Variants in GTF2IRD1 observed in about 807,000 individuals in gnomAD.
GTF2IRD1 encodes GTF2I repeat domain containing 1, also known as general transcription factor II-I repeat domain-containing protein 1.
In GTF2IRD1, 26 loss-of-function variants were observed where a neutral mutation model predicts 113.2. The observed-to-expected ratio is 0.23, with a 90% CI of 0.17 to 0.32. GTF2IRD1 has a LOEUF of 0.32. GTF2IRD1 is among the 10% of genes least tolerant of loss of function. GTF2IRD1 has a pLI of 1.00. For missense variants in GTF2IRD1, 864 were observed against 1,280.8 expected, an observed-to-expected ratio of 0.67 and a Z score of 4.97; for synonymous variants, 484 against 529.1, an observed-to-expected ratio of 0.91 and a Z score of 1.17.
Position 74,518,253 on chromosome 7 carries a change from C to T in GTF2IRD1, c.536C>T (p.Ala179Val). ...GAAGGCCTGGCCTTCCGAAGGCCAGCCGAGTATGACCCCAAGGCCCTCATG... is the reference window on the plus strand; with the variant it reads ...GAAGGCCTGGCCTTCCGAAGGCCAGTCGAGTATGACCCCAAGGCCCTCATG... ...LPEGLAFRRP[A>V]EYDPKALMAI... The change falls in exon 5 of 27, where the codon GCC (alanine) becomes GTC (valine). Residue 179 changes from alanine to valine, a missense_variant. Coordinates refer to ENST00000424337, the MANE Select transcript of GTF2IRD1 (RefSeq NM_005685.4). The T allele has an allele frequency of 6.2e-7, 1 of 1,611,902 alleles. No homozygotes were observed. Among genetic ancestry groups the T allele is most frequent in the Non-Finnish European group, 8.5e-7 (1 of 1,179,198 alleles).
intron 1 of GTF2IRD1, among the ~76,000 whole-genome samples, chr7:74,459,753 A>G (rs1243976928): frequency 1.3e-5 from 2 of 152,162 alleles, no homozygotes; most frequent in African/African-American, 4.8e-5. Context: ...GCTAAAAGTT[A>G]CCTGTTGTTG....
chr7:74,479,892 C>T (rs182881675), intron 1 of GTF2IRD1, among the ~76,000 whole-genome samples: 4 of 151,080 alleles, frequency 2.6e-5, no homozygotes, highest in Admixed American at 1.3e-4. Context: ...GGCTTATAGG[C>T]GCGTCCACCA....
At chr7:74,567,150 A>G (rs1381319164) in intron 22 of GTF2IRD1, among the ~76,000 whole-genome samples, 3 of 152,044 alleles carry the variant, frequency 2.0e-5, no homozygotes, top group African/African-American at 4.8e-5. Context: ...CAGCATGGTG[A>G]AACCCCGTCT....
At chr7:74,534,775 C>A (rs782703073) in intron 9 of GTF2IRD1, among the ~76,000 whole-genome samples, 2 of 151,402 alleles carry the variant, frequency 1.3e-5, no homozygotes, top group Non-Finnish European at 2.9e-5. Context: ...TGGTGGTGCA[C>A]GTCTGTAGTC....
intron 12 of GTF2IRD1, 148 bp downstream of exon 12, chr7:74,538,321 C>A: frequency 1.3e-6 from 1 of 774,858 alleles, no homozygotes; most frequent in Non-Finnish European, 2.2e-6. Context: ...CACTAGGCCT[C>A]GCAGAGCTGA....
At chr7:74,509,591 C>T (rs1227814406) in intron 2 of GTF2IRD1, among the ~76,000 whole-genome samples, 5 of 152,130 alleles carry the variant, frequency 3.3e-5, no homozygotes, top group African/African-American at 7.2e-5. Flanking sequence ...CAGTTAGCTG[C>T]GCTCCTGCAT....
At chr7:74,517,894 G>A (rs782404592) in intron 4 of GTF2IRD1, among the ~76,000 whole-genome samples, 2 of 152,216 alleles carry the variant, frequency 1.3e-5, no homozygotes, top group Non-Finnish European at 2.9e-5. Flanking sequence ...GGGGAGGGCA[G>A]CAGGGAACCT....
chr7:74,601,756 T>A (rs1802782051), intron 26 of GTF2IRD1: 1 of 186,148 alleles, frequency 5.4e-6, no homozygotes, highest in Admixed American at 5.4e-5. Flanking sequence ...CACTGCAGCC[T>A]GGGCAACAAG....
At chr7:74,496,306 GT>G (rs1795674596) in intron 1 of GTF2IRD1, among the ~76,000 whole-genome samples, 1 of 150,430 alleles carries the variant, frequency 6.6e-6, no homozygotes, top group Non-Finnish European at 1.5e-5. Context: ...GTGCATGTGT[GT>G]GGGGGTGGGG....
At chr7:74,538,533 GT>G (rs1425678051) in intron 12 of GTF2IRD1, 146 bp from the exon 13 acceptor site, 3 of 741,562 alleles carry the variant, frequency 4.0e-6, no homozygotes, top group Non-Finnish European at 7.4e-6. Context: ...TCCAATTCCA[GT>G]TTGGGCGGAG....
At chr7:74,586,754 C>T (rs587679839) in intron 22 of GTF2IRD1, among the ~76,000 whole-genome samples, 9 of 152,314 alleles carry the variant, frequency 5.9e-5, no homozygotes, top group African/African-American at 1.2e-4. Context: ...GCCACCCAGA[C>T]GGGGTCAGCA....
intron 2 of GTF2IRD1, 84 bp downstream of exon 2, chr7:74,508,287 C>A: frequency 6.9e-7 from 1 of 1,443,238 alleles, no homozygotes; most frequent in Non-Finnish European, 9.4e-7. Context: ...CTCAGCTACT[C>A]GAAGGAGCTT....
intron 17 of GTF2IRD1, among the ~76,000 whole-genome samples, chr7:74,553,619 T>G (rs1799434115): frequency 6.6e-6 from 1 of 152,192 alleles, no homozygotes; most frequent in South Asian, 2.1e-4. Flanking sequence ...GATGGCTTTC[T>G]CCACCTGTCA....
chr7:74,514,710 C>T (rs1796825442), intron 3 of GTF2IRD1, among the ~76,000 whole-genome samples: 2 of 151,712 alleles, frequency 1.3e-5, no homozygotes, highest in Admixed American at 6.6e-5. Context: ...AACCCTCTGC[C>T]GGAGGGTTTT....
intron 9 of GTF2IRD1, among the ~76,000 whole-genome samples, chr7:74,531,299 C>A (rs782311359): frequency 6.8e-6 from 1 of 147,728 alleles, no homozygotes; most frequent in Non-Finnish European, 1.5e-5. Context: ...TGAATTCGGG[C>A]GACAGAGATT....
intron 1 of GTF2IRD1, among the ~76,000 whole-genome samples, chr7:74,459,538 G>T (rs1554328512): frequency 2.0e-5 from 3 of 152,092 alleles, no homozygotes. Context: ...CACGGTCTTA[G>T]GGAGTGTCTC....
At chr7:74,497,644 G>A (rs1554338432) in intron 1 of GTF2IRD1, among the ~76,000 whole-genome samples, 2 of 152,128 alleles carry the variant, frequency 1.3e-5, no homozygotes, top group African/African-American at 4.8e-5. Flanking sequence ...AGCACACAGG[G>A]TTCCAATTTC....
chr7:74,577,777 C>T (rs1769542877), intron 22 of GTF2IRD1, among the ~76,000 whole-genome samples: 1 of 152,064 alleles, frequency 6.6e-6, no homozygotes, highest in South Asian at 2.1e-4. Context: ...CTCAGCCCCT[C>T]GAGTGGCTAG....
chr7:74,457,684 A>ATC (rs1333513470), intron 1 of GTF2IRD1, among the ~76,000 whole-genome samples: 4 of 151,816 alleles, frequency 2.6e-5, no homozygotes, highest in Admixed American at 1.3e-4. Flanking sequence ...GTTTGTAAGT[A>ATC]TCTCTCTCTC....
Sources: gnomAD v4.1 joint callset for allele counts (sites outside exome capture counted in the v4.1 genomes callset) on GRCh38, gnomAD v4.1.1 for gene constraint, MANE v1.5 for transcripts, NCBI Gene and HGNC (gene_info 2026-07-23, HGNC 2026-07-21) for gene names.